Variants in EVI5 observed in about 807,000 individuals in gnomAD.
EVI5 encodes ecotropic viral integration site 5 protein homolog.
Under a neutral mutation model 112.0 loss-of-function variants are expected in EVI5, and 73 were observed. That is an observed-to-expected ratio of 0.65 (90% CI 0.54 to 0.79). The LOEUF is 0.79. Among genes scored for constraint, EVI5 ranks in the 30% least tolerant of loss-of-function variants. The pLI is 0.00. For synonymous variants in EVI5, 305 were observed against 319.9 expected (o/e 0.95, Z 0.50); for missense variants, 900 against 968.8 (o/e 0.93, Z 0.94).
intron 2 of EVI5, among the ~76,000 whole-genome samples, chr1:92,724,651 T>C (rs1175940153): frequency 6.6e-6 from 1 of 151,542 alleles, no homozygotes; most frequent in Non-Finnish European, 1.5e-5. Context: ...CTATAAAAAG[T>C]ACAAAAATTA....
At chr1:92,527,402 G>A in intron 19 of EVI5, among the ~76,000 whole-genome samples, 1 of 113,278 alleles carries the variant, frequency 8.8e-6, no homozygotes, top group African/African-American at 3.6e-5. Context: ...GTGAAAGAGT[G>A]AGACACTGTC....
chr1:92,752,354 T>G (rs1469882258), intron 1 of EVI5, among the ~76,000 whole-genome samples: 1 of 152,086 alleles, frequency 6.6e-6, no homozygotes, highest in Non-Finnish European at 1.5e-5. Flanking sequence ...TTTGTATTTT[T>G]AGTAGAGACA....
chr1:92,776,308 T>G (rs1684127574), intron 1 of EVI5, among the ~76,000 whole-genome samples: 1 of 152,148 alleles, frequency 6.6e-6, no homozygotes, highest in Non-Finnish European at 1.5e-5. Flanking sequence ...CATTTCTATT[T>G]CATCATGAAC....
chr1:92,733,485 C>A (rs1676829640), intron 2 of EVI5, among the ~76,000 whole-genome samples: 1 of 151,416 alleles, frequency 6.6e-6, no homozygotes, highest in East Asian at 1.9e-4. Context: ...CAGCTAACTG[C>A]AACCTCCACC....
intron 13 of EVI5, among the ~76,000 whole-genome samples, chr1:92,643,915 GAA>G (rs999125286): frequency 1.0e-5 from 1 of 96,388 alleles, no homozygotes; most frequent in Admixed American, 1.2e-4. Flanking sequence ...GATATTAAAA[GAA>G]AAAAAGAGAA....
In EVI5 at chr1:92,547,564, T is replaced by G. The variant is rs944376934; in HGVS notation, c.2166+16078A>C. ...AAAAAATCAATGAATCCAGGAGCTGTTTTTGAAAGGATCAACAAAATAGAT... is the reference window on the plus strand; with the variant it reads ...AAAAAATCAATGAATCCAGGAGCTGGTTTTGAAAGGATCAACAAAATAGAT... On this transcript the variant is annotated intron_variant, in intron 19 of 19. Coordinates refer to ENST00000684568, the MANE Select transcript of EVI5 (RefSeq NM_001350197.2). Among the ~76,000 whole-genome samples the G allele has an allele frequency of 3.3e-5, 5 of 151,932 alleles. No individual in the cohort carries two copies. In the East Asian group the frequency reaches 7.7e-4, roughly 23 times the overall value.
intron 18 of EVI5, among the ~76,000 whole-genome samples, chr1:92,570,611 G>C (rs564196996): frequency 6.6e-6 from 1 of 152,292 alleles, no homozygotes; most frequent in South Asian, 2.1e-4. Context: ...CATTGTAAGA[G>C]AGAAGTTCAA....
At chr1:92,516,005 T>C (rs982595049) in intron 19 of EVI5, among the ~76,000 whole-genome samples, 4 of 152,200 alleles carry the variant, frequency 2.6e-5, no homozygotes, top group African/African-American at 9.7e-5. Context: ...GAGGGATCTA[T>C]ACTTGGAGTT....
At chr1:92,605,496 G>A (rs1650181839) in intron 17 of EVI5, 94 bp from the exon 18 acceptor site, 1 of 784,308 alleles carries the variant, frequency 1.3e-6, no homozygotes, top group African/African-American at 1.7e-5. Flanking sequence ...CATACGTTAA[G>A]TATTATCTAG....
At chr1:92,716,963 G>A (rs920434578) in intron 2 of EVI5, among the ~76,000 whole-genome samples, 3 of 151,900 alleles carry the variant, frequency 2.0e-5, no homozygotes, top group Non-Finnish European at 4.4e-5. Context: ...GGCTTCAGAA[G>A]GTCAGTAATA....
At chr1:92,606,928 C>A (rs1451682794) in intron 17 of EVI5, among the ~76,000 whole-genome samples, 10 of 101,900 alleles carry the variant, frequency 9.8e-5, no homozygotes, top group African/African-American at 1.7e-4. Flanking sequence ...ACACACCCCC[C>A]CAAACCCTCC....
chr1:92,781,879 T>C (rs891165620), intron 1 of EVI5, among the ~76,000 whole-genome samples: 4 of 142,628 alleles, frequency 2.8e-5, no homozygotes, highest in Non-Finnish European at 6.0e-5. Flanking sequence ...ACCTGAGTCT[T>C]GGGAGATCAA....
intron 10 of EVI5, among the ~76,000 whole-genome samples, chr1:92,674,124 G>A (rs1666323764): frequency 6.6e-6 from 1 of 152,166 alleles, no homozygotes; most frequent in Non-Finnish European, 1.5e-5. Flanking sequence ...ACTTTTGCGG[G>A]AGGGAGGGAG....
intron 18 of EVI5, among the ~76,000 whole-genome samples, chr1:92,584,517 C>G (rs1293168870): frequency 6.6e-6 from 1 of 152,262 alleles, no homozygotes; most frequent in East Asian, 1.9e-4. Flanking sequence ...ACTGAAATAT[C>G]AATAGCAACC....
chr1:92,551,136 G>A (rs1666875548), intron 19 of EVI5, among the ~76,000 whole-genome samples: 1 of 137,008 alleles, frequency 7.3e-6, no homozygotes, highest in South Asian at 2.4e-4. Context: ...TCAACCTCCT[G>A]GGTCAAGCGA....
At chr1:92,630,090 C>T (rs1295105235) in intron 14 of EVI5, among the ~76,000 whole-genome samples, 1 of 152,102 alleles carries the variant, frequency 6.6e-6, no homozygotes, top group Non-Finnish European at 1.5e-5. Context: ...GGATTGGTTC[C>T]AAGTCTTTGC....
At chr1:92,772,912 A>G (rs1683619303) in intron 1 of EVI5, among the ~76,000 whole-genome samples, 1 of 149,830 alleles carries the variant, frequency 6.7e-6, no homozygotes. Flanking sequence ...ATCTTAAAAA[A>G]AAAAAAAAAA....
intron 16 of EVI5, among the ~76,000 whole-genome samples, chr1:92,618,385 A>T (rs1415480715): frequency 6.6e-6 from 1 of 152,212 alleles, no homozygotes; most frequent in Non-Finnish European, 1.5e-5. Flanking sequence ...CCACCTGGAC[A>T]CTTCGGGCTG....
At chr1:92,782,648 T>C (rs1180049646) in intron 1 of EVI5, among the ~76,000 whole-genome samples, 2 of 152,216 alleles carry the variant, frequency 1.3e-5, no homozygotes, top group South Asian at 2.1e-4. Context: ...TCCCTGCTAA[T>C]TGGTAGAACC....
Sources: allele counts gnomAD v4.1 joint callset (sites outside exome capture counted in the v4.1 genomes callset), GRCh38; gene constraint gnomAD v4.1.1; transcripts MANE v1.5; gene names NCBI Gene and HGNC (gene_info 2026-07-23, HGNC 2026-07-21).